Variants in AKR1E2 observed in about 807,000 individuals in gnomAD.
AKR1E2 encodes the protein 1,5-anhydro-D-fructose reductase.
In AKR1E2, 43 loss-of-function variants were observed where a neutral mutation model predicts 41.9. The ratio of observed to expected loss-of-function variants is 1.03; its 90% confidence interval spans 0.80 to 1.32. The LOEUF is 1.32. Among genes scored for constraint, AKR1E2 ranks in the 40% most tolerant of loss-of-function variants. The probability of loss-of-function intolerance (pLI) is 0.00; values close to 1 mark genes in which losing one functional copy is unlikely to be tolerated. For synonymous variants in AKR1E2, 121 were observed against 138.9 expected, an observed-to-expected ratio of 0.87 and a Z score of 0.91; for missense variants, 423 against 396.5, an observed-to-expected ratio of 1.07 and a Z score of -0.57.
chr10:4,855,388 C>T, the AKR1E2 span, among the ~76,000 whole-genome samples: 1 of 152,198 alleles, frequency 6.6e-6, no homozygotes, highest in African/African-American at 2.4e-5. Flanking sequence ...AGCTATACAC[C>T]TGCTGTTCAA....
At chr10:4,868,825 G>C in the AKR1E2 span, among the ~76,000 whole-genome samples, 1 of 152,126 alleles carries the variant, frequency 6.6e-6, no homozygotes, top group Non-Finnish European at 1.5e-5. Flanking sequence ...TTTTTAGTAT[G>C]ATGGATTATA....
chr10:4,844,753 C>T (rs898867854), intron 8 of AKR1E2, among the ~76,000 whole-genome samples: 4 of 152,206 alleles, frequency 2.6e-5, no homozygotes, highest in African/African-American at 7.2e-5. Flanking sequence ...GTTTACAAAC[C>T]GTGAGCTAGA....
intron 2 of AKR1E2, among the ~76,000 whole-genome samples, chr10:4,831,493 G>A (rs201763361): frequency 0.035 from 5,305 of 152,316 alleles, 150 homozygotes; most frequent in East Asian, 0.11. Context: ...ACAAGAGAAA[G>A]TGTACAGGGG....
intron 1 of AKR1E2, among the ~76,000 whole-genome samples, chr10:4,827,138 T>G (rs531832352): frequency 1.2e-3 from 181 of 151,808 alleles, no homozygotes; most frequent in African/African-American, 4.3e-3. Flanking sequence ...TAAAAGAAAC[T>G]TTGGGATCTC....
rs1251106496 is a variant in AKR1E2 at position 4,839,715 on chromosome 10, T to C, written c.583-14T>C. 2 of 1,608,992 alleles carry C rather than the reference T, an allele frequency of 1.2e-6. No individual in the cohort carries two copies. The highest frequency in any genetic ancestry group is 1.1e-5 in the South Asian group (1 of 90,970). On this transcript the variant is annotated splice_polypyrimidine_tract_variant and intron_variant, in intron 5 of 9. Transcript: ENST00000298375. The stretch of plus-strand genomic sequence containing the variant: ...AGTGGTCTGAATTTTATGTAAGCTA[T>C]GATTCTGTTATAGATTGAGTGCCAC...
chr10:4,835,573 C>G, intron 3 of AKR1E2, 102 bp from the exon 4 acceptor site: 1 of 1,433,190 alleles, frequency 7.0e-7, no homozygotes, highest in Non-Finnish European at 9.3e-7. Context: ...GCTGGGGTTG[C>G]TTAGTGACAG....
chr10:4,855,411 G>A, the AKR1E2 span, among the ~76,000 whole-genome samples: 2 of 145,234 alleles, frequency 1.4e-5, no homozygotes, highest in Non-Finnish European at 3.1e-5. Context: ...TGGCCAAGCA[G>A]ACGTGTCAGT....
At chr10:4,853,715 TA>T in the AKR1E2 span, among the ~76,000 whole-genome samples, 31,166 of 152,144 alleles carry the variant, frequency 0.2, 3,379 homozygotes, top group Middle Eastern at 0.34. Context: ...CCACCTTGAA[TA>T]GGGGCTGAGT....
chr10:4,838,066 G>C (rs1564266548), intron 5 of AKR1E2, among the ~76,000 whole-genome samples: 1 of 152,238 alleles, frequency 6.6e-6, no homozygotes, highest in Non-Finnish European at 1.5e-5. Flanking sequence ...TTCTAGACTA[G>C]CTTTGTATGT....
the AKR1E2 span, among the ~76,000 whole-genome samples, chr10:4,856,359 G>A: frequency 1.3e-5 from 2 of 152,116 alleles, no homozygotes; most frequent in Non-Finnish European, 2.9e-5. Flanking sequence ...ACTGAATATT[G>A]GAATAAAAGC....
chr10:4,840,066 C>A (rs576673374), intron 6 of AKR1E2, among the ~76,000 whole-genome samples: 2 of 152,054 alleles, frequency 1.3e-5, no homozygotes, highest in Non-Finnish European at 2.9e-5. Context: ...TCTTCAGGGA[C>A]GTAAATCAGC....
chr10:4,828,864 C>T (rs1274765336), intron 1 of AKR1E2, among the ~76,000 whole-genome samples: 1 of 152,164 alleles, frequency 6.6e-6, no homozygotes, highest in Non-Finnish European at 1.5e-5. Flanking sequence ...TCTGAAGTTA[C>T]ATTTTCTACT....
chr10:4,849,076 G>T (rs1356865905), downstream of AKR1E2, among the ~76,000 whole-genome samples: 1 of 152,202 alleles, frequency 6.6e-6, no homozygotes, highest in African/African-American at 2.4e-5. Flanking sequence ...TTTGCTGCGG[G>T]TGTCACCAAA....
the AKR1E2 span, among the ~76,000 whole-genome samples, chr10:4,863,914 G>A: frequency 6.6e-6 from 1 of 152,154 alleles, no homozygotes; most frequent in Non-Finnish European, 1.5e-5. Context: ...AAACCAGGAA[G>A]AAGTTGAATC....
intron 5 of AKR1E2, 78 bp from the exon 6 acceptor site, chr10:4,839,651 T>C: frequency 7.4e-7 from 1 of 1,358,260 alleles, no homozygotes; most frequent in Non-Finnish European, 1.1e-6. Flanking sequence ...GCCAAGACTT[T>C]GACGCAGGTC....
chr10:4,829,146 T>A (rs1039400062), intron 1 of AKR1E2, among the ~76,000 whole-genome samples: 1 of 152,244 alleles, frequency 6.6e-6, no homozygotes, highest in Non-Finnish European at 1.5e-5. Context: ...TTTTTTAATA[T>A]TGATACTCTT....
intron 8 of AKR1E2, among the ~76,000 whole-genome samples, chr10:4,846,836 G>A (rs370523239): frequency 1.2e-4 from 19 of 152,108 alleles, no homozygotes; most frequent in African/African-American, 2.9e-4. Context: ...GAACCACCGC[G>A]CCCAGCCGCT....
chr10:4,828,229 G>A (rs1335584036), intron 1 of AKR1E2, among the ~76,000 whole-genome samples: 2 of 152,156 alleles, frequency 1.3e-5, no homozygotes, highest in Non-Finnish European at 2.9e-5. Context: ...TGGGATGGTT[G>A]GGGCTACTCC....
At position 4,826,382 on chromosome 10, in the gene AKR1E2, G is replaced by A; in HGVS notation, c.39+19G>A. ...CTGGAAGGTGACGCGGTCGCGGGCA[G>A]GGAGGCGCGCCTGACCTAGGGGAGC... is the stretch of plus-strand genomic sequence containing the variant. On this transcript the variant is annotated intron_variant, in intron 1 of 9. Coordinates refer to ENST00000298375, the MANE Select transcript of AKR1E2 (RefSeq NM_001040177.3). 3 of 1,233,458 alleles carry A rather than the reference G, an allele frequency of 2.4e-6. No individual in the cohort carries two copies. Among genetic ancestry groups the A allele is most frequent in the Non-Finnish European group, 3.0e-6 (3 of 987,172 alleles). 76.4% of individuals were successfully genotyped at this position (1,233,458 alleles called of 1,614,324 possible).
Sources: gnomAD v4.1 joint callset for allele counts (sites outside exome capture counted in the v4.1 genomes callset) on GRCh38, gnomAD v4.1.1 for gene constraint, MANE v1.5 for transcripts, NCBI Gene and HGNC (gene_info 2026-07-23, HGNC 2026-07-21) for gene names.